The following AVL9 variants were observed in gnomAD, a reference collection of about 807,000 sequenced individuals.
AVL9 encodes late secretory pathway protein AVL9 homolog.
A neutral mutation model predicts 79.2 loss-of-function variants in AVL9; 49 were observed. The observed-to-expected ratio is 0.62, with a 90% CI of 0.49 to 0.79. The LOEUF is 0.79. Among genes scored for constraint, AVL9 ranks in the 30% least tolerant of loss-of-function variants. The pLI is 0.00. For missense variants in AVL9, 682 were observed against 776.8 expected (o/e 0.88, Z 1.45); for synonymous variants, 299 against 280.6 (o/e 1.07, Z -0.65).
chr7:32,554,532 TACA>T, intron 7 of AVL9, 23 bp from the exon 8 acceptor site: 1 of 1,468,970 alleles, frequency 6.8e-7, no homozygotes, highest in Non-Finnish European at 9.3e-7. Flanking sequence ...CTCATTTCAA[TACA>T]ACATTTTTTT....
At chr7:32,554,315 T>C (rs957712509) in intron 7 of AVL9, among the ~76,000 whole-genome samples, 11 of 152,202 alleles carry the variant, frequency 7.2e-5, no homozygotes, top group African/African-American at 2.4e-4. Flanking sequence ...TTACAGATAC[T>C]TCAAGCAAAA....
Position 32,587,401 on chromosome 7 carries a change from A to T in AVL9, c.*3494A>T, listed in dbSNP as rs1370845144. ...TTTGTTATTGTTTTACATTTTGTGA[A>T]AAAAAGTTTTGTAGAAGTTACAGCT... On this transcript the variant is annotated 3_prime_UTR_variant, in exon 16 of 16. Coordinates refer to ENST00000318709, the MANE Select transcript of AVL9 (RefSeq NM_015060.3). The T allele has an allele frequency of 6.6e-6, 1 of 152,212 alleles. No homozygotes were observed. The highest frequency in any genetic ancestry group is 1.5e-5 in the Non-Finnish European group (1 of 68,048). 9.4% of individuals were successfully genotyped at this position (152,212 alleles called of 1,614,324 possible).
intron 1 of AVL9, chr7:32,535,995 C>A (rs898183208): frequency 6.6e-6 from 1 of 152,188 alleles, no homozygotes; most frequent in Non-Finnish European, 1.5e-5. Context: ...CTTTGCCTTC[C>A]GCCATGATTA....
intron 10 of AVL9, among the ~76,000 whole-genome samples, chr7:32,565,681 T>C (rs189224182): frequency 2.0e-5 from 3 of 151,342 alleles, no homozygotes; most frequent in African/African-American, 7.3e-5. Flanking sequence ...CTGAGCAACA[T>C]AGTGAGACCT....
chr7:32,527,745 T>C (rs1287468949), intron 1 of AVL9, among the ~76,000 whole-genome samples: 2 of 152,152 alleles, frequency 1.3e-5, no homozygotes, highest in Non-Finnish European at 2.9e-5. Flanking sequence ...TTGGTGGCCA[T>C]TGATGTTGCC....
At chr7:32,518,694 G>C (rs1220554070) in intron 1 of AVL9, among the ~76,000 whole-genome samples, 1 of 152,118 alleles carries the variant, frequency 6.6e-6, no homozygotes, top group Admixed American at 6.5e-5. Flanking sequence ...GTTTAAGAAA[G>C]AAGGATATGT....
chr7:32,496,048 T>C (rs1562743326), intron 1 of AVL9, among the ~76,000 whole-genome samples: 1 of 148,304 alleles, frequency 6.7e-6, no homozygotes, highest in Non-Finnish European at 1.5e-5. Context: ...GGTTGATACG[T>C]GTAGGTTGTA....
intron 1 of AVL9, among the ~76,000 whole-genome samples, chr7:32,519,166 C>T (rs1032135912): frequency 1.3e-5 from 2 of 152,154 alleles, no homozygotes; most frequent in Admixed American, 6.5e-5. Flanking sequence ...TGGTGGCTCA[C>T]GCCTGTAACC....
intron 1 of AVL9, among the ~76,000 whole-genome samples, chr7:32,510,781 A>T: frequency 5.0e-5 from 3 of 59,926 alleles, no homozygotes; most frequent in African/African-American, 1.8e-4. Context: ...GTCTGGGTGT[A>T]GGAGTCCACA....
At chr7:32,574,611 C>T (rs1791000823) in intron 12 of AVL9, among the ~76,000 whole-genome samples, 1 of 151,946 alleles carries the variant, frequency 6.6e-6, no homozygotes, top group Non-Finnish European at 1.5e-5. Flanking sequence ...ATGCAGGGAC[C>T]AGTGTTCTGA....
intron 1 of AVL9, among the ~76,000 whole-genome samples, chr7:32,527,740 G>A (rs888519952): frequency 6.6e-6 from 1 of 152,120 alleles, no homozygotes; most frequent in Admixed American, 6.6e-5. Context: ...AAAATTTGGT[G>A]GCCATTGATG....
chr7:32,559,453 A>T lies in AVL9; in HGVS notation c.1204A>T (p.Ile402Phe). The change falls in exon 10 of 16, where the codon ATC becomes TTC. Residue 402 changes from isoleucine (I) to phenylalanine (F), a missense_variant. Transcript: ENST00000318709. ...EEDQYGMPLAIFTKGYLCLPY... is the reference protein window; with the variant it reads ...EEDQYGMPLAFFTKGYLCLPY... Reference sequence around the variant, plus strand: ...GGATCAGTATGGCATGCCCCTGGCCATCTTCACAAAGGTAAAGTGTAATAT... The same window carrying T: ...GGATCAGTATGGCATGCCCCTGGCCTTCTTCACAAAGGTAAAGTGTAATAT... The T allele has an allele frequency of 6.5e-7, 1 of 1,539,842 alleles. No individual in the cohort carries two copies. Among genetic ancestry groups the T allele is most frequent in the Non-Finnish European group, 8.7e-7 (1 of 1,146,246 alleles).
intron 1 of AVL9, among the ~76,000 whole-genome samples, chr7:32,510,572 T>A (rs1428368596): frequency 7.1e-6 from 1 of 139,994 alleles, no homozygotes; most frequent in African/African-American, 2.7e-5. Flanking sequence ...CAGGGTAAGA[T>A]TTGTGAGCCG....
chr7:32,530,558 T>C (rs560808596), intron 1 of AVL9, among the ~76,000 whole-genome samples: 1 of 152,362 alleles, frequency 6.6e-6, no homozygotes, highest in African/African-American at 2.4e-5. Flanking sequence ...TTGCTATTCA[T>C]ATGTAAAGAT....
intron 12 of AVL9, among the ~76,000 whole-genome samples, chr7:32,573,629 T>C (rs547570000): frequency 6.6e-6 from 1 of 152,340 alleles, no homozygotes; most frequent in Non-Finnish European, 1.5e-5. Context: ...ATTTTGGTTT[T>C]ATGGTACTTT....
chr7:32,520,664 A>G (rs1788101552), intron 1 of AVL9, among the ~76,000 whole-genome samples: 2 of 152,158 alleles, frequency 1.3e-5, no homozygotes, highest in African/African-American at 2.4e-5. Flanking sequence ...CTCCCACTGA[A>G]TATGCCTATA....
intron 1 of AVL9, chr7:32,532,450 A>G (rs1186246316): frequency 6.6e-6 from 1 of 152,212 alleles, no homozygotes; most frequent in Non-Finnish European, 1.5e-5. Context: ...TCTGCCTAGA[A>G]TATCTCTACC....
chr7:32,577,439 G>A (rs1791154013), intron 13 of AVL9, among the ~76,000 whole-genome samples: 1 of 152,194 alleles, frequency 6.6e-6, no homozygotes, highest in Non-Finnish European at 1.5e-5. Flanking sequence ...TTAAATGAAA[G>A]GGCTGAGTTC....
chr7:32,497,616 T>C (rs1583472355), intron 1 of AVL9, among the ~76,000 whole-genome samples: 1 of 151,192 alleles, frequency 6.6e-6, no homozygotes, highest in East Asian at 2.0e-4. Flanking sequence ...CTCTTCCAAG[T>C]ATTCAAAATT....
Sources: gnomAD v4.1 joint callset for allele counts (sites outside exome capture counted in the v4.1 genomes callset) on GRCh38, gnomAD v4.1.1 for gene constraint, MANE v1.5 for transcripts, NCBI Gene and HGNC (gene_info 2026-07-23, HGNC 2026-07-21) for gene names.